The following IARS1 variants were observed in gnomAD, a reference collection of about 807,000 sequenced individuals.
IARS1 encodes the protein isoleucine--tRNA ligase, cytoplasmic.
IARS1 carries 124 observed loss-of-function variants against 168.2 expected under a neutral mutation model. The observed-to-expected ratio is 0.74, with a 90% CI of 0.64 to 0.86. The LOEUF (loss-of-function observed/expected upper bound fraction) is 0.86. Ranked by LOEUF, IARS1 falls within the 40% of genes least tolerant of loss-of-function variation. The pLI is 0.00. For missense variants in IARS1, 1,452 were observed against 1,515.8 expected (o/e 0.96, Z 0.70); for synonymous variants, 532 against 529.4 (o/e 1.00, Z -0.07).
intron 30 of IARS1, among the ~76,000 whole-genome samples, chr9:92,234,863 A>G (rs1211087437): frequency 6.9e-6 from 1 of 145,570 alleles, no homozygotes; most frequent in African/African-American, 2.5e-5. Flanking sequence ...TTTTTTTTTG[A>G]GATGGAGTTC....
At chr9:92,242,004 C>CT (rs1372696327) in intron 29 of IARS1, 150 bp downstream of exon 29, 2 of 616,326 alleles carry the variant, frequency 3.2e-6, no homozygotes, top group African/African-American at 3.7e-5. Context: ...CTTCCACTCT[C>CT]TGACTCTACC....
intron 25 of IARS1, among the ~76,000 whole-genome samples, chr9:92,249,490 T>C (rs1461814059): frequency 6.6e-6 from 1 of 151,748 alleles, no homozygotes; most frequent in Non-Finnish European, 1.5e-5. Context: ...GAGGTGGAGG[T>C]TGTGGTAAGG....
chr9:92,242,926 C>G, intron 28 of IARS1: 1 of 346,416 alleles, frequency 2.9e-6, no homozygotes, highest in South Asian at 2.6e-5. Context: ...ACTATCAGCT[C>G]TGATTACCTT....
At chr9:92,277,317 C>T (rs1007933651) in intron 9 of IARS1, among the ~76,000 whole-genome samples, 3 of 151,928 alleles carry the variant, frequency 2.0e-5, no homozygotes, top group South Asian at 2.1e-4. Flanking sequence ...CCCAGCTGCT[C>T]GGGAGGCTGA....
intron 17 of IARS1, among the ~76,000 whole-genome samples, chr9:92,260,509 G>A (rs1046372954): frequency 4.6e-5 from 7 of 152,052 alleles, no homozygotes; most frequent in African/African-American, 1.4e-4. Flanking sequence ...ACAAAAATTA[G>A]CTGGGCGTGG....
At position 92,289,395 on chromosome 9, in the gene IARS1, T is replaced by C. The variant is rs141442081; in HGVS notation, c.25A>G (p.Ile9Val). 181 of 1,572,278 alleles carry C rather than the reference T, an allele frequency of 1.2e-4. 2 individuals carry two copies. The highest frequency in any genetic ancestry group is 5.9e-4 in the South Asian group (53 of 89,700). The stretch of plus-strand genomic sequence containing the variant: ...TTCTCTTCTTCAGCAGGAAAATTTA[T>C]GTTTTCTGGAACTTGTTGAAGCATT... MLQQVPEN[I>V]NFPAEEEKIL... Residue 9 changes from isoleucine to valine, a missense_variant, in exon 2 of 34, where the codon ATA becomes GTA. Coordinates refer to ENST00000443024, the MANE Select transcript of IARS1 (RefSeq NM_002161.6).
At chr9:92,233,816 T>C (rs947115228) in intron 30 of IARS1, among the ~76,000 whole-genome samples, 22 of 152,128 alleles carry the variant, frequency 1.4e-4, no homozygotes, top group African/African-American at 4.8e-4. Flanking sequence ...GGCTGGAGTA[T>C]AGTGGCATGA....
intron 33 of IARS1, among the ~76,000 whole-genome samples, chr9:92,214,882 CA>C (rs1838386240): frequency 6.6e-6 from 1 of 152,248 alleles, no homozygotes; most frequent in Non-Finnish European, 1.5e-5. Flanking sequence ...CTTAGGTAAA[CA>C]AAGCAGCCGG....
intron 6 of IARS1, among the ~76,000 whole-genome samples, chr9:92,285,468 T>C (rs567844674): frequency 1.3e-5 from 2 of 152,136 alleles, no homozygotes; most frequent in East Asian, 1.9e-4. Flanking sequence ...CACAAAAATA[T>C]GGTCAAAACA....
At chr9:92,274,080 G>A (rs970597805) in intron 10 of IARS1, among the ~76,000 whole-genome samples, 1 of 152,230 alleles carries the variant, frequency 6.6e-6, no homozygotes, top group South Asian at 2.1e-4. Flanking sequence ...ACTGTTTTGA[G>A]GGGAGAGGTC....
chr9:92,244,774 A>G (rs1828936643), intron 27 of IARS1, among the ~76,000 whole-genome samples, 185 bp downstream of exon 27: 1 of 152,238 alleles, frequency 6.6e-6, no homozygotes, highest in Admixed American at 6.5e-5. Flanking sequence ...TGTATTCACT[A>G]AACAAATGCA....
chr9:92,250,544 C>T (rs956951587), intron 23 of IARS1, among the ~76,000 whole-genome samples, 169 bp downstream of exon 23: 1 of 152,200 alleles, frequency 6.6e-6, no homozygotes, highest in African/African-American at 2.4e-5. Context: ...ATCCTTGCTA[C>T]CGTGTACCAA....
At chr9:92,219,002 C>G (rs529720363) in intron 33 of IARS1, among the ~76,000 whole-genome samples, 2 of 152,144 alleles carry the variant, frequency 1.3e-5, no homozygotes, top group Non-Finnish European at 2.9e-5. Context: ...GGAGGCATCA[C>G]ACTACCTGAC....
chr9:92,274,369 C>A (rs970650341), intron 10 of IARS1, 57 bp downstream of exon 10: 2 of 1,324,042 alleles, frequency 1.5e-6, no homozygotes, highest in Non-Finnish European at 2.2e-6. Flanking sequence ...GACTCCGCAT[C>A]TATGAAAAGT....
intron 4 of IARS1, among the ~76,000 whole-genome samples, chr9:92,286,932 A>T (rs1587900711): frequency 6.6e-6 from 1 of 152,242 alleles, no homozygotes; most frequent in Admixed American, 6.5e-5. Context: ...GTTAAAATTA[A>T]TAAGTGAATG....
intron 30 of IARS1, among the ~76,000 whole-genome samples, chr9:92,229,428 C>CTA (rs1191125545): frequency 6.6e-6 from 1 of 151,364 alleles, no homozygotes; most frequent in East Asian, 1.9e-4. Context: ...TCCTTGGTAG[C>CTA]TATGGTCCAG....
At chr9:92,288,774 A>G (rs1292599427) in intron 2 of IARS1, among the ~76,000 whole-genome samples, 1 of 152,188 alleles carries the variant, frequency 6.6e-6, no homozygotes, top group Non-Finnish European at 1.5e-5. Context: ...AGGATGACAC[A>G]TAAATTTTAC....
chr9:92,282,113 T>C (rs981554956), intron 6 of IARS1, among the ~76,000 whole-genome samples: 1 of 151,980 alleles, frequency 6.6e-6, no homozygotes, highest in Non-Finnish European at 1.5e-5. Flanking sequence ...TTAGGAAATA[T>C]ATAGTTTTTA....
Position 92,242,273 on chromosome 9 carries a change from T to C in IARS1, c.3058A>G (p.Thr1020Ala), listed in dbSNP as rs1438098558. ...TVYYKAKSEG[T>A]YLNSVIESHT... ...CTTTCAATAACACTATTCAGATATG[T>C]TCCTTCAGACTTTGCTTTATAGTAC... Residue 1020 changes from threonine (T) to alanine (A), a missense_variant, in exon 29 of 34, where the codon ACA (threonine) becomes GCA (alanine). By Grantham distance (58) the Thr-to-Ala change is moderately conservative. Transcript: ENST00000443024. 1 of 1,614,060 alleles carries C rather than the reference T, an allele frequency of 6.2e-7. No homozygotes were observed. The highest frequency in any genetic ancestry group is 8.5e-7 in the Non-Finnish European group (1 of 1,179,872).
Sources: allele counts gnomAD v4.1 joint callset (sites outside exome capture counted in the v4.1 genomes callset), GRCh38; gene constraint gnomAD v4.1.1; transcripts MANE v1.5; gene names NCBI Gene and HGNC (gene_info 2026-07-23, HGNC 2026-07-21).